MED15: variants seen among roughly 807,000 people sequenced by gnomAD.
The protein encoded by MED15 is mediator of RNA polymerase II transcription subunit 15.
In MED15, 41 loss-of-function variants were observed where a neutral mutation model predicts 118.7. The ratio of observed to expected loss-of-function variants is 0.35; its 90% CI spans 0.27 to 0.45. The LOEUF is 0.45. MED15 is among the 20% of genes least tolerant of loss of function. MED15 has a pLI of 1.00. For synonymous variants in MED15, 436 were observed against 413.9 expected (o/e 1.05, Z -0.65); for missense variants, 740 against 1,025.5 (o/e 0.72, Z 3.80).
At chr22:20,579,462 C>T (rs1189680028) in intron 9 of MED15, among the ~76,000 whole-genome samples, 1 of 152,042 alleles carries the variant, frequency 6.6e-6, no homozygotes, top group Non-Finnish European at 1.5e-5. Flanking sequence ...TTCCACTGCA[C>T]CCTGGGGAGT....
chr22:20,581,994 G>T (rs2056997881), intron 9 of MED15: 2 of 153,956 alleles, frequency 1.3e-5, no homozygotes, highest in South Asian at 2.0e-4. Context: ...GCGCTGGTGT[G>T]GGCCGATGCA....
chr22:20,555,171 G>T (rs1211651696), intron 5 of MED15, 23 bp downstream of exon 5: 10 of 1,551,206 alleles, frequency 6.4e-6, no homozygotes, highest in African/African-American at 4.1e-5. Context: ...CTTCTTGGAG[G>T]ATTTGCCGCT....
At chr22:20,544,086 A>AT (rs2055427805) in intron 2 of MED15, among the ~76,000 whole-genome samples, 1 of 152,056 alleles carries the variant, frequency 6.6e-6, no homozygotes, top group African/African-American at 2.4e-5. Flanking sequence ...TCTGTTTTTG[A>AT]TAGTATATGT....
intron 10 of MED15, 28 bp downstream of exon 10, chr22:20,582,775 C>G (rs1429097980): frequency 1.9e-6 from 3 of 1,591,742 alleles, no homozygotes; most frequent in Non-Finnish European, 2.6e-6. Flanking sequence ...TGCCCCTCCC[C>G]ACCTGGCCCT....
At chr22:20,553,545 A>G (rs1433941802) in intron 4 of MED15, among the ~76,000 whole-genome samples, 1 of 152,208 alleles carries the variant, frequency 6.6e-6, no homozygotes, top group East Asian at 1.9e-4. Flanking sequence ...AATGCTGTGA[A>G]TTCACTTTTT....
rs2055941467 is a variant in MED15 at position 20,555,112 on chromosome 22, C to T, written c.415C>T (p.His139Tyr). The part of the protein sequence containing the change: ...PPPGTSGMAP[H>Y]SMAVVSTATP... ...TCCTGGGACCTCGGGGATGGCCCCT[C>T]ACAGCATGGCTGTCGTGTCTACGGC... Residue 139 changes from histidine to tyrosine, a missense_variant, in exon 5 of 18, where the codon CAC becomes TAC. Physicochemically the swap from His to Tyr is moderately conservative, Grantham distance 83. Around this residue, in one of 7 missense-constraint regions of MED15, gnomAD observed 117 missense variants for 124.6 expected, o/e 0.94. Coordinates refer to ENST00000263205, the MANE Select transcript of MED15 (RefSeq NM_001003891.3). 6.2e-7 allele frequency: 1 copy of T among 1,609,584 alleles called. No homozygotes were observed. Among genetic ancestry groups the T allele is most frequent in the Non-Finnish European group, 8.5e-7 (1 of 1,178,562 alleles).
chr22:20,515,760 T>C lies in MED15; in HGVS notation c.68+8014T>C, dbSNP rs1356395515. Among the ~76,000 whole-genome samples, 8 of 151,216 alleles carry C rather than the reference T, an allele frequency of 5.3e-5. No individual in the cohort carries two copies. The East Asian group carries it at 1.6e-3, about 30-fold the overall frequency. ...AAGGTCGCGCCACTGCACTCCAGCC[T>C]GGCGACAGAGTGAGACTCAGTCTCA... On this transcript the variant is annotated intron_variant, in intron 1 of 17. Transcript: ENST00000263205.
At chr22:20,584,766 G>C in intron 14 of MED15, 89 bp from the exon 15 acceptor site, 1 of 1,502,038 alleles carries the variant, frequency 6.7e-7, no homozygotes, top group South Asian at 1.2e-5. Context: ...GAATCTGACT[G>C]TGAGTGACCA....
At chr22:20,513,412 G>A (rs1414611224) in intron 1 of MED15, among the ~76,000 whole-genome samples, 2 of 151,814 alleles carry the variant, frequency 1.3e-5, no homozygotes, top group East Asian at 1.9e-4. Flanking sequence ...CAGAGTAGCT[G>A]GGATTACAGG....
intron 6 of MED15, 36 bp from the exon 7 acceptor site, chr22:20,566,431 T>G: frequency 2.5e-6 from 4 of 1,604,292 alleles, no homozygotes; most frequent in Non-Finnish European, 3.4e-6. Flanking sequence ...CAGAGGCAGA[T>G]GAGTGATAAC....
rs576772254 is a variant in MED15 at position 20,583,130 on chromosome 22, A to G, written c.1555A>G (p.Met519Val). The G allele has an allele frequency of 4.7e-5, 76 of 1,601,704 alleles. 1 individual carries two copies. In the East Asian group the frequency reaches 1.1e-3, roughly 23 times the overall value. The change falls in exon 12 of 18, where the codon ATG becomes GTG. Residue 519 changes from methionine to valine, a missense_variant. Around this residue, in one of 7 missense-constraint regions of MED15, gnomAD observed 384 missense variants for 506.3 expected, o/e 0.76. Transcript: ENST00000263205. ...LNTPVNPSSVMSPAGSSQAEE... is the reference protein window; with the variant it reads ...LNTPVNPSSVVSPAGSSQAEE... ...TCCTGCAGTGAACCCCAGCTCTGTC[A>G]TGAGCCCAGCTGGCTCCAGCCAGGC...
intron 9 of MED15, among the ~76,000 whole-genome samples, chr22:20,577,674 G>T (rs745782947): frequency 6.6e-6 from 1 of 151,762 alleles, no homozygotes; most frequent in Non-Finnish European, 1.5e-5. Context: ...GGGTGAGAGC[G>T]CTCTCATGGG....
At position 20,585,283 on chromosome 22, in the gene MED15, G is replaced by A. The variant is rs774931936; in HGVS notation, c.2131+16G>A. 2.7e-5 allele frequency: 43 copies of A among 1,610,076 alleles called. No homozygotes were observed. Among genetic ancestry groups the A allele is most frequent in the Middle Eastern group, 1.6e-4 (1 of 6,072 alleles). ...TGCAAGCTGGGTGAGTGTCCAGAGG[G>A]CCGGGACTGGTGTGGGAAAGCAGGC... On this transcript the variant is annotated intron_variant, in intron 16 of 17. Transcript: ENST00000263205.
intron 1 of MED15, among the ~76,000 whole-genome samples, chr22:20,514,328 G>A (rs879586957): frequency 2.0e-5 from 3 of 152,206 alleles, no homozygotes; most frequent in Non-Finnish European, 4.4e-5. Flanking sequence ...GAGAACAAGA[G>A]TGCATCTGCA....
chr22:20,577,324 C>T (rs2056851403), intron 9 of MED15, among the ~76,000 whole-genome samples: 1 of 152,072 alleles, frequency 6.6e-6, no homozygotes, highest in Admixed American at 6.6e-5. Flanking sequence ...TTTGGCTTGC[C>T]CATACTCTGT....
Position 20,584,442 on chromosome 22 carries a change from A to C in MED15, c.1803+17A>C. 1.2e-6 allele frequency: 2 copies of C among 1,612,780 alleles called. No homozygotes were observed. Among genetic ancestry groups the C allele is most frequent in the South Asian group, 1.1e-5 (1 of 91,056 alleles). Reference sequence around the variant, plus strand: ...ATGGCGGTGGTGAGTGGGATGCCAGACACCCCTAGGGGAACCAGGGCTCTC... The same window carrying C: ...ATGGCGGTGGTGAGTGGGATGCCAGCCACCCCTAGGGGAACCAGGGCTCTC... On this transcript the variant is annotated intron_variant, in intron 14 of 17. Transcript: ENST00000263205.
intron 8 of MED15, among the ~76,000 whole-genome samples, chr22:20,571,361 A>G (rs2056656220): frequency 6.6e-6 from 1 of 152,182 alleles, no homozygotes; most frequent in Admixed American, 6.5e-5. Flanking sequence ...GAGAGTGGTT[A>G]CCACTGTGGT....
rs545511421 is a variant in MED15, at chr22:20,579,030, G to A, written c.1273-3581G>A. Among the ~76,000 whole-genome samples the A allele has an allele frequency of 1.2e-4, 19 of 152,336 alleles. 3 individuals carry two copies. Among genetic ancestry groups the A allele is most frequent in the African/African-American group, 2.6e-4 (11 of 41,582 alleles). On this transcript the variant is annotated intron_variant, in intron 9 of 17. Coordinates refer to ENST00000263205, the MANE Select transcript of MED15 (RefSeq NM_001003891.3). ...GCATTCTGGACACAGTGCTCAGCACGGGGGCCCAGGGGGTGGCATGGCCCA... is the reference window on the plus strand; with the variant it reads ...GCATTCTGGACACAGTGCTCAGCACAGGGGCCCAGGGGGTGGCATGGCCCA...
intron 1 of MED15, among the ~76,000 whole-genome samples, chr22:20,517,221 G>A (rs1028107012): frequency 2.0e-5 from 3 of 151,950 alleles, no homozygotes; most frequent in Non-Finnish European, 2.9e-5. Flanking sequence ...ACAGGCATGA[G>A]CCACTACGCC....
Sources: gnomAD v4.1 joint callset for allele counts (sites outside exome capture counted in the v4.1 genomes callset) on GRCh38, gnomAD v4.1.1 for gene constraint, gnomAD v4.1.1 regional missense constraint, MANE v1.5 for transcripts, NCBI Gene and HGNC (gene_info 2026-07-23, HGNC 2026-07-21) for gene names.